Variants in ATOH8 observed in about 807,000 individuals in gnomAD.
ATOH8 encodes atonal bHLH transcription factor 8, also known as transcription factor ATOH8.
In ATOH8, 9 loss-of-function variants were observed where a neutral mutation model predicts 21.2. The ratio of observed to expected loss-of-function variants is 0.42; its 90% CI spans 0.26 to 0.74. The LOEUF is 0.74. ATOH8 is among the 30% of genes least tolerant of loss of function. ATOH8 has a pLI of 0.24. For missense variants in ATOH8, 524 were observed against 470.9 expected (o/e 1.11, Z -1.04); for synonymous variants, 253 against 224.0 (o/e 1.13, Z -1.16).
At chr2:85,782,538 C>A (rs1390636093) in intron 2 of ATOH8, among the ~76,000 whole-genome samples, 3 of 152,040 alleles carry the variant, frequency 2.0e-5, no homozygotes, top group Non-Finnish European at 2.9e-5. Context: ...ACCACAACTT[C>A]CCTGAAAGTA....
intron 1 of ATOH8, among the ~76,000 whole-genome samples, chr2:85,763,646 C>A (rs1440102353): frequency 6.6e-6 from 1 of 152,132 alleles, no homozygotes; most frequent in Non-Finnish European, 1.5e-5. Flanking sequence ...AAACAAAATG[C>A]CTCTCAGGAA....
At chr2:85,762,474 C>T (rs750011281) in intron 1 of ATOH8, among the ~76,000 whole-genome samples, 6 of 152,206 alleles carry the variant, frequency 3.9e-5, no homozygotes, top group East Asian at 3.9e-4. Context: ...TGGGCAGGAC[C>T]TGTGCTAGGC....
intron 1 of ATOH8, among the ~76,000 whole-genome samples, chr2:85,758,931 G>A (rs1339661517): frequency 1.3e-5 from 2 of 152,228 alleles, no homozygotes; most frequent in African/African-American, 4.8e-5. Flanking sequence ...TGTCTCACAA[G>A]CTGTGCCCAC....
chr2:85,790,871 A>G lies in ATOH8; in HGVS notation c.*3981A>G, dbSNP rs554287637. Among the ~76,000 whole-genome samples, 6 of 152,296 alleles carry G rather than the reference A, an allele frequency of 3.9e-5. No individual in the cohort carries two copies. In the East Asian group the frequency reaches 9.6e-4, roughly 24 times the overall value. On this transcript the variant is annotated 3_prime_UTR_variant, in exon 3 of 3. Coordinates refer to ENST00000306279, the MANE Select transcript of ATOH8 (RefSeq NM_032827.7). ...TTGGGGCTACACTTGCCTCCCTCCT[A>G]TGCTGCTTCCTGAGCCACGAAGTGG... is the stretch of plus-strand genomic sequence containing the variant.
chr2:85,762,943 C>T (rs989988938), intron 1 of ATOH8, among the ~76,000 whole-genome samples: 100 of 152,068 alleles, frequency 6.6e-4, no homozygotes, highest in African/African-American at 2.4e-3. Flanking sequence ...ATATGGTGGG[C>T]GCTCACTAAA....
chr2:85,783,882 A>G (rs1680561210), intron 2 of ATOH8, among the ~76,000 whole-genome samples: 1 of 151,922 alleles, frequency 6.6e-6, no homozygotes, highest in Non-Finnish European at 1.5e-5. Flanking sequence ...CCACTTATGA[A>G]GAGGTATCAT....
chr2:85,762,446 C>T (rs1470677788), intron 1 of ATOH8, among the ~76,000 whole-genome samples: 1 of 152,160 alleles, frequency 6.6e-6, no homozygotes, highest in African/African-American at 2.4e-5. Context: ...ATCAACAAAC[C>T]CTTTTGAGGG....
At chr2:85,781,363 T>A (rs559420626) in intron 2 of ATOH8, among the ~76,000 whole-genome samples, 4 of 151,172 alleles carry the variant, frequency 2.6e-5, no homozygotes, top group African/African-American at 9.7e-5. Context: ...GGTCAGGAGT[T>A]CAAGACTAGC....
chr2:85,754,374 AC>A lies in ATOH8; in HGVS notation c.186del (p.Asp62GlufsTer53). 1 of 1,593,816 alleles carries A rather than the reference AC, an allele frequency of 6.3e-7. No homozygotes were observed. The highest frequency in any genetic ancestry group is 8.5e-7 in the Non-Finnish European group (1 of 1,172,336). ...PRAVATNGLR[D>X]RTHRLQPVPV... ...GCCGTAGCCACCAACGGGCTGCGGG[AC>A]AGGACCCATCGGCTGCAGCCGGTCC... On this transcript the variant is annotated frameshift_variant, in exon 1 of 3. Transcript: ENST00000306279. LOFTEE classifies it high-confidence loss of function.
intron 2 of ATOH8, chr2:85,781,110 G>A (rs1680476488): frequency 1.0e-6 from 1 of 985,086 alleles, no homozygotes; most frequent in African/African-American, 1.7e-5. Flanking sequence ...GAAAACACCA[G>A]TGCAGCTTAT....
rs1573516154 is a variant in ATOH8, at chr2:85,754,071, G to C, written c.-119G>C. The C allele has an allele frequency of 3.2e-6, 4 of 1,233,910 alleles. No individual in the cohort carries two copies. In the East Asian group the frequency reaches 1.3e-4, roughly 39 times the overall value. The allele number at this position is 1,233,910 out of a possible 1,614,324, so 76.4% of individuals were successfully genotyped here. ...CGGCGCAGCTGCCCGGGGCGAGGGGGAGAAAGGGAGAGAGGGAGGGGGAGG... is the reference window on the plus strand; with the variant it reads ...CGGCGCAGCTGCCCGGGGCGAGGGGCAGAAAGGGAGAGAGGGAGGGGGAGG... On this transcript the variant is annotated 5_prime_UTR_variant, in exon 1 of 3. Transcript: ENST00000306279.
chr2:85,754,945 G>T lies in ATOH8; in HGVS notation c.756G>T (p.Ala252=), dbSNP rs1313965426. 6.3e-7 allele frequency: 1 copy of T among 1,594,682 alleles called. No homozygotes were observed. The highest frequency in any genetic ancestry group is 8.5e-7 in the Non-Finnish European group (1 of 1,174,848). The change falls in exon 1 of 3, where the codon GCG becomes GCT. Residue 252 remains alanine, a synonymous_variant. Coordinates refer to ENST00000306279, the MANE Select transcript of ATOH8 (RefSeq NM_032827.7). ...ACACCATCAGCGCAGCCTTCGAGGC[G>T]CTCAGGAAGCAGGTACCCGCTCGCC... ...RVHTISAAFE[A]LRKQVPCYSY... is the part of the protein sequence containing the mutation.
Position 85,754,743 on chromosome 2 carries a change from C to A in ATOH8, c.554C>A (p.Thr185Lys). The A allele has an allele frequency of 6.2e-7, 1 of 1,612,726 alleles. No homozygotes were observed. Among genetic ancestry groups the A allele is most frequent in the Non-Finnish European group, 8.5e-7 (1 of 1,179,792 alleles). Residue 185 changes from threonine (T) to lysine (K), a missense_variant, in exon 1 of 3, where the codon ACG becomes AAG. Transcript: ENST00000306279. The part of the protein sequence containing the change: ...PESTVRPAPP[T>K]RPGESSYSSI... ...TCCACTGTGCGCCCTGCGCCCCCGA[C>A]GCGCCCCGGGGAAAGTTCCTACTCG...
At position 85,787,034 on chromosome 2, in the gene ATOH8, C is replaced by A. The variant is rs781606714; in HGVS notation, c.*144C>A. 1 of 1,046,474 alleles carries A rather than the reference C, an allele frequency of 9.6e-7. No individual in the cohort carries two copies. The highest frequency in any genetic ancestry group is 1.4e-6 in the Non-Finnish European group (1 of 711,166). The allele number at this position is 1,046,474 out of a possible 1,614,324, so 64.8% of individuals were successfully genotyped here. On this transcript the variant is annotated 3_prime_UTR_variant, in exon 3 of 3. Transcript: ENST00000306279. ...AGCCTACAGCCTCTCAGGGTCGGAT[C>A]GGAGCACGCCTGCCTCCCTCTCCCC...
rs1468199349 is a variant in ATOH8, at chr2:85,763,974, A to G, written c.769-17A>G. The G allele has an allele frequency of 1.9e-6, 3 of 1,610,846 alleles. No individual in the cohort carries two copies. The highest frequency in any genetic ancestry group is 1.7e-6 in the Non-Finnish European group (2 of 1,178,138). On this transcript the variant is annotated splice_polypyrimidine_tract_variant and intron_variant, in intron 1 of 2. Coordinates refer to ENST00000306279, the MANE Select transcript of ATOH8 (RefSeq NM_032827.7). ...CACTGCGCCCCTGCAGCCCCTCCTG[A>G]CGCCTTCTCCCCTCAGGTGCCGTGC...
intron 2 of ATOH8, among the ~76,000 whole-genome samples, chr2:85,783,103 A>G (rs1193590919): frequency 6.6e-6 from 1 of 152,206 alleles, no homozygotes; most frequent in South Asian, 2.1e-4. Flanking sequence ...CTGACTATAA[A>G]CAAGTGAACA....
intron 1 of ATOH8, among the ~76,000 whole-genome samples, chr2:85,755,380 A>C (rs995373873): frequency 2.0e-5 from 3 of 152,142 alleles, no homozygotes; most frequent in Admixed American, 2.0e-4. Flanking sequence ...GCGGTGGGAC[A>C]GTCCGGGGGA....
chr2:85,760,910 C>G (rs1679853410), intron 1 of ATOH8: 1 of 152,254 alleles, frequency 6.6e-6, no homozygotes, highest in African/African-American at 2.4e-5. Context: ...CTTGTAAGTG[C>G]CTGGAATTCA....
At chr2:85,784,074 T>C (rs1287888488) in intron 2 of ATOH8, among the ~76,000 whole-genome samples, 2 of 152,158 alleles carry the variant, frequency 1.3e-5, no homozygotes, top group Non-Finnish European at 2.9e-5. Flanking sequence ...AGCAGGCGTC[T>C]AGAGGGCAGG....
Sources: allele counts gnomAD v4.1 joint callset (sites outside exome capture counted in the v4.1 genomes callset), GRCh38; gene constraint gnomAD v4.1.1; transcripts MANE v1.5; gene names NCBI Gene and HGNC (gene_info 2026-07-23, HGNC 2026-07-21).